Variants in STEAP2 observed in about 807,000 individuals in gnomAD.
STEAP2 encodes metalloreductase STEAP2.
In STEAP2, 30 loss-of-function variants were observed where a neutral mutation model predicts 46.4. The ratio of observed to expected loss-of-function variants is 0.65; its 90% CI spans 0.48 to 0.88. The LOEUF is 0.88. STEAP2 is among the 40% of genes least tolerant of loss of function. The probability of loss-of-function intolerance (pLI) is 0.00; values close to 1 mark genes in which losing one functional copy is unlikely to be tolerated. For synonymous variants in STEAP2, 180 were observed against 200.5 expected (o/e 0.90, Z 0.86); for missense variants, 513 against 579.3 (o/e 0.89, Z 1.18).
In STEAP2 at chr7:90,234,625, A is replaced by C. The variant is rs1212439890; in HGVS notation, c.*2001A>C. Reference sequence around the variant, plus strand: ...GAGTGCAGTGGCACGATCTCGGCTCACTGCAAGCTCTGCCTCCCGGGTTCA... The same window carrying C: ...GAGTGCAGTGGCACGATCTCGGCTCCCTGCAAGCTCTGCCTCCCGGGTTCA... On this transcript the variant is annotated 3_prime_UTR_variant, in exon 6 of 6. Transcript: ENST00000394621. The C allele has an allele frequency of 2.6e-6, 2 of 769,532 alleles. 1 individual carries two copies. Among genetic ancestry groups the C allele is most frequent in the African/African-American group, 4.0e-5 (2 of 49,764 alleles). The allele number at this position is 769,532 out of a possible 1,614,324, so 47.7% of individuals were successfully genotyped here. A position where few individuals can be genotyped will look rare whatever the true frequency, so the allele number is the denominator to read the frequency against.
Position 90,234,040 on chromosome 7 carries a change from G to C in STEAP2, c.*1416G>C. 1.0e-6 allele frequency: 1 copy of C among 985,322 alleles called. No homozygotes were observed. Among genetic ancestry groups the C allele is most frequent in the Non-Finnish European group, 1.2e-6 (1 of 829,920 alleles). 61.0% of individuals were successfully genotyped at this position (985,322 alleles called of 1,614,324 possible). A position where few individuals can be genotyped will look rare whatever the true frequency, so the allele number is the denominator to read the frequency against. Reference sequence around the variant, plus strand: ...TGTTAACAAATTGCTGAGATCCCACGGAGTCTTTCAAAAATCTCTGTAGAG... The same window carrying C: ...TGTTAACAAATTGCTGAGATCCCACCGAGTCTTTCAAAAATCTCTGTAGAG... On this transcript the variant is annotated 3_prime_UTR_variant, in exon 6 of 6. Coordinates refer to ENST00000394621, the MANE Select transcript of STEAP2 (RefSeq NM_001244944.2).
rs183572231 is a variant in STEAP2 at position 90,218,210 on chromosome 7, A to G, written c.-34+1607A>G. 1.3e-3 allele frequency among the ~76,000 whole-genome samples: 195 copies of G among 152,170 alleles called. 2 individuals are homozygous for G. Among genetic ancestry groups the G allele is most frequent in the Admixed American group, 0.013 (193 of 15,276 alleles). ...GTTTGCAAATATTTTCTTCTATTCA[A>G]TAGGTGGTCTCTTCATTCTGTTGAT... On this transcript the variant is annotated intron_variant, in intron 2 of 5. Coordinates refer to ENST00000394621, the MANE Select transcript of STEAP2 (RefSeq NM_001244944.2).
chr7:90,211,958 C>G lies in STEAP2; in HGVS notation c.-234C>G, dbSNP rs1433927840. The G allele has an allele frequency of 6.6e-6, 1 of 152,292 alleles. No homozygotes were observed. The highest frequency in any genetic ancestry group is 1.9e-4 in the East Asian group (1 of 5,178). The allele number at this position is 152,292 out of a possible 1,614,324, so 9.4% of individuals were successfully genotyped here. On this transcript the variant is annotated 5_prime_UTR_variant, in exon 1 of 6. Transcript: ENST00000394621. The stretch of plus-strand genomic sequence containing the variant: ...AGGTGCAGTCCGTAGGCCCTGGCCC[C>G]CGGGTGGGCCCTTGGGGAGTCGGCG...
Position 90,229,970 on chromosome 7 carries a change from C to G in STEAP2, c.1119C>G (p.Leu373=). The G allele has an allele frequency of 6.2e-7, 1 of 1,613,682 alleles. No homozygotes were observed. The highest frequency in any genetic ancestry group is 8.5e-7 in the Non-Finnish European group (1 of 1,179,644). ...FGIMSLGLLS[L]LAVTSIPSVS... is the part of the protein sequence containing the mutation. Reference sequence around the variant, plus strand: ...TAATGAGCCTTGGCTTACTTTCCCTCCTGGCAGTCACTTCTATCCCTTCAG... The same window carrying G: ...TAATGAGCCTTGGCTTACTTTCCCTGCTGGCAGTCACTTCTATCCCTTCAG... Residue 373 remains leucine, a synonymous_variant, in exon 5 of 6, where the codon CTC becomes CTG. Transcript: ENST00000394621.
At chr7:90,238,267 G>C, downstream of STEAP2, 1 of 588,286 alleles carries the variant, frequency 1.7e-6, no homozygotes, top group East Asian at 2.8e-5. Context: ...GGCTTCCCCA[G>C]CTGCTGCCTG....
In STEAP2 at chr7:90,237,048, C is replaced by A; in HGVS notation, c.*4424C>A. ...AGTGTTGGCCAGTGAGATGAAGTCT[C>A]CTCAAAGGAAGGCAGCATGTGTCCT... On this transcript the variant is annotated 3_prime_UTR_variant, in exon 6 of 6. Transcript: ENST00000394621. The A allele has an allele frequency of 7.6e-7, 1 of 1,323,512 alleles. No homozygotes were observed. The highest frequency in any genetic ancestry group is 2.4e-5 in the East Asian group (1 of 41,624). The allele number at this position is 1,323,512 out of a possible 1,614,324, so 82.0% of individuals were successfully genotyped here.
At chr7:90,216,699 C>T (rs1795032926) in intron 2 of STEAP2, 96 bp downstream of exon 2, 1 of 152,164 alleles carries the variant, frequency 6.6e-6, no homozygotes, top group Non-Finnish European at 1.5e-5. Flanking sequence ...CATCTACTAT[C>T]GCCAAATGAT....
chr7:90,224,214 C>T (rs10241182), intron 2 of STEAP2, among the ~76,000 whole-genome samples: 2,051 of 152,200 alleles, frequency 0.013, 51 homozygotes, highest in African/African-American at 0.047. Flanking sequence ...AAGGTTCAGA[C>T]ACTGGACCAA....
intron 3 of STEAP2, 143 bp from the exon 4 acceptor site, chr7:90,226,828 T>A (rs1795506363): frequency 1.3e-6 from 1 of 764,760 alleles, no homozygotes; most frequent in Non-Finnish European, 2.0e-6. Context: ...TGAAATCTGT[T>A]AGATACTATA....
chr7:90,225,150 A>G lies in STEAP2; in HGVS notation c.68A>G (p.Asn23Ser). The G allele has an allele frequency of 1.2e-6, 2 of 1,613,944 alleles. No individual in the cohort carries two copies. The highest frequency in any genetic ancestry group is 2.2e-5 in the South Asian group (2 of 91,074). ...GAAACTTTTTTACCTAATGGCATAA[A>G]TGGTATCAAAGATGCAAGGAAGGTC... ...LSETFLPNGI[N>S]GIKDARKVTV... The change falls in exon 3 of 6, where the codon AAT becomes AGT. Residue 23 changes from asparagine to serine, a missense_variant. Coordinates refer to ENST00000394621, the MANE Select transcript of STEAP2 (RefSeq NM_001244944.2).
chr7:90,227,361 T>C lies in STEAP2; in HGVS notation c.883T>C (p.Leu295=). The C allele has an allele frequency of 6.2e-7, 1 of 1,613,842 alleles. No individual in the cohort carries two copies. The highest frequency in any genetic ancestry group is 8.5e-7 in the Non-Finnish European group (1 of 1,179,808). Residue 295 remains leucine, a synonymous_variant, in exon 4 of 6, where the codon TTG becomes CTG. Coordinates refer to ENST00000394621, the MANE Select transcript of STEAP2 (RefSeq NM_001244944.2). ...GTKYRRFPPW[L]ETWLQCRKQL... ...CAAGTATAGGAGATTTCCACCTTGG[T>C]TGGAAACCTGGTTACAGTGTAGAAA... is the stretch of plus-strand genomic sequence containing the variant.
At chr7:90,224,575 T>C (rs1468251453) in intron 2 of STEAP2, among the ~76,000 whole-genome samples, 1 of 152,226 alleles carries the variant, frequency 6.6e-6, no homozygotes, top group Non-Finnish European at 1.5e-5. Flanking sequence ...CCTTGAATTC[T>C]TTCCCATGCA....
Position 90,225,509 on chromosome 7 carries a change from G to C in STEAP2, c.427G>C (p.Val143Leu). 6.2e-7 allele frequency: 1 copy of C among 1,613,658 alleles called. No individual in the cohort carries two copies. The highest frequency in any genetic ancestry group is 8.5e-7 in the Non-Finnish European group (1 of 1,179,826). ...LASLFPDSLI[V>L]KGFNVVSAWA... ...TTCATTATTCCCAGATTCTTTGATT[G>C]TCAAAGGATTTAATGTTGTCTCAGC... is the stretch of plus-strand genomic sequence containing the variant. Residue 143 changes from valine (V) to leucine (L), a missense_variant, in exon 3 of 6, where the codon GTC (valine) becomes CTC (leucine). Physicochemically the swap from Val to Leu is conservative, Grantham distance 32 (BLOSUM62 1). Transcript: ENST00000394621.
chr7:90,234,931 A>G lies in STEAP2; in HGVS notation c.*2307A>G. 4.1e-6 allele frequency: 4 copies of G among 984,012 alleles called. No individual in the cohort carries two copies. Among genetic ancestry groups the G allele is most frequent in the Non-Finnish European group, 4.8e-6 (4 of 828,712 alleles). The allele number at this position is 984,012 out of a possible 1,614,324, so 61.0% of individuals were successfully genotyped here. A position where few individuals can be genotyped will look rare whatever the true frequency, so the allele number is the denominator to read the frequency against. ...TCTCCCCACTTGAGAATCACTTGTT[A>G]GTTCTTGGTAGGAATTCAGTTGGGC... On this transcript the variant is annotated 3_prime_UTR_variant, in exon 6 of 6. Transcript: ENST00000394621.
downstream of STEAP2, among the ~76,000 whole-genome samples, chr7:90,241,995 C>T (rs1796068665): frequency 6.6e-6 from 1 of 152,138 alleles, no homozygotes; most frequent in African/African-American, 2.4e-5. Flanking sequence ...CAGTAATTCA[C>T]CCAAGATGGC....
At chr7:90,227,636 T>C (rs1012155219) in intron 4 of STEAP2, 138 bp downstream of exon 4, 22 of 840,464 alleles carry the variant, frequency 2.6e-5, no homozygotes, top group Non-Finnish European at 3.7e-5. Flanking sequence ...AATTGTTCTT[T>C]AAACAATGTT....
intron 4 of STEAP2, among the ~76,000 whole-genome samples, chr7:90,228,627 C>A (rs1423170924): frequency 6.6e-6 from 1 of 152,146 alleles, no homozygotes; most frequent in Non-Finnish European, 1.5e-5. Context: ...TTCTAACACA[C>A]TTGATTTCCA....
chr7:90,231,076 T>C (rs193210539), intron 5 of STEAP2, among the ~76,000 whole-genome samples: 1 of 152,000 alleles, frequency 6.6e-6, no homozygotes, highest in Admixed American at 6.5e-5. Flanking sequence ...CCAGTAAAGT[T>C]AGACATTACA....
Position 90,236,042 on chromosome 7 carries a change from T to A in STEAP2, c.*3418T>A. ...AAGGTATATTATACTTTCATTACAA[T>A]CAAATTATAGAAATTACTTGTGTAA... On this transcript the variant is annotated 3_prime_UTR_variant, in exon 6 of 6. Transcript: ENST00000394621. 1 of 829,574 alleles carries A rather than the reference T, an allele frequency of 1.2e-6. No individual in the cohort carries two copies. The highest frequency in any genetic ancestry group is 1.5e-6 in the Non-Finnish European group (1 of 688,222). The allele number at this position is 829,574 out of a possible 1,614,324, so 51.4% of individuals were successfully genotyped here. A position where few individuals can be genotyped will look rare whatever the true frequency, so the allele number is the denominator to read the frequency against.
Sources: allele counts gnomAD v4.1 joint callset (sites outside exome capture counted in the v4.1 genomes callset), GRCh38; gene constraint gnomAD v4.1.1; transcripts MANE v1.5; gene names NCBI Gene and HGNC (gene_info 2026-07-23, HGNC 2026-07-21).